ZMIZ1: variants seen among roughly 807,000 people sequenced by gnomAD.
ZMIZ1 encodes zinc finger MIZ-type containing 1.
Under a neutral mutation model 113.9 loss-of-function variants are expected in ZMIZ1, and 17 were observed. The observed-to-expected ratio is 0.15, with a 90% confidence interval of 0.10 to 0.22. The LOEUF is 0.22. ZMIZ1 is among the 10% of genes least tolerant of loss of function. ZMIZ1 has a pLI of 1.00. For synonymous variants in ZMIZ1, 607 were observed against 603.1 expected (o/e 1.01, Z -0.09); for missense variants, 1,059 against 1,477.8 (o/e 0.72, Z 4.65).
chr10:79,184,052 G>T (rs1319609703), intron 4 of ZMIZ1, among the ~76,000 whole-genome samples: 1 of 152,214 alleles, frequency 6.6e-6, no homozygotes, highest in Non-Finnish European at 1.5e-5. Context: ...GGCCAGCGTT[G>T]CCTCGGTGCC....
Position 79,139,689 on chromosome 10 carries a change from A to C in ZMIZ1, c.-219A>C. 1 of 398,854 alleles carries C rather than the reference A, an allele frequency of 2.5e-6. No individual in the cohort carries two copies. Among genetic ancestry groups the C allele is most frequent in the East Asian group, 3.5e-5 (1 of 28,186 alleles). The allele number at this position is 398,854 out of a possible 1,614,324, so 24.7% of individuals were successfully genotyped here. On this transcript the variant is annotated 5_prime_UTR_variant, in exon 3 of 25. Transcript: ENST00000334512. ...TCTCCCCTGTGTACCCAGGAGGAAG[A>C]GGAGGAGGCCCGTTGGCGTCGGACC...
At chr10:79,195,563 G>T (rs1172159756) in intron 4 of ZMIZ1, among the ~76,000 whole-genome samples, 1 of 152,268 alleles carries the variant, frequency 6.6e-6, no homozygotes, top group Admixed American at 6.5e-5. Flanking sequence ...GAGTCCAGGA[G>T]CCCGGAGGCG....
Position 79,296,268 on chromosome 10 carries a change from G to T in ZMIZ1, c.1231-203G>T. The T allele has an allele frequency of 1.6e-6, 1 of 611,492 alleles. No homozygotes were observed. The highest frequency in any genetic ancestry group is 2.9e-6 in the Non-Finnish European group (1 of 341,810). The allele number at this position is 611,492 out of a possible 1,614,324, so 37.9% of individuals were successfully genotyped here. ...CCAGGAAGAACGGCCTCAAGGGGAG[G>T]TGGCCTATGATCTGGACAGGCAGAA... On this transcript the variant is annotated intron_variant, in intron 12 of 24. Coordinates refer to ENST00000334512, the MANE Select transcript of ZMIZ1 (RefSeq NM_020338.4). This position sits in a 1 kb window ranked among gnomAD's most constrained non-coding sequence, Gnocchi z 4.1.
Position 79,292,320 on chromosome 10 carries a change from G to A in ZMIZ1, c.921G>A (p.Gln307=). 1.2e-6 allele frequency: 2 copies of A among 1,613,396 alleles called. No individual in the cohort carries two copies. Among genetic ancestry groups the A allele is most frequent in the Non-Finnish European group, 1.7e-6 (2 of 1,179,680 alleles). ...CCACGGCCACTGTGGCAGCCCTGCAGGAGACACAGAACAAGGATATAAACC... is the reference window on the plus strand; with the variant it reads ...CCACGGCCACTGTGGCAGCCCTGCAAGAGACACAGAACAAGGATATAAACC... ...ATATATVAAL[Q]ETQNKDINQY... Residue 307 remains glutamine (Q), a synonymous_variant, in exon 11 of 25, where the codon CAG becomes CAA. Coordinates refer to ENST00000334512, the MANE Select transcript of ZMIZ1 (RefSeq NM_020338.4).
At chr10:79,079,970 C>T (rs529641458) in intron 1 of ZMIZ1, among the ~76,000 whole-genome samples, 12 of 152,336 alleles carry the variant, frequency 7.9e-5, no homozygotes, top group African/African-American at 2.2e-4. Flanking sequence ...GAGGGGCACA[C>T]GGTGTCTTCA....
intron 1 of ZMIZ1, among the ~76,000 whole-genome samples, chr10:79,104,951 GT>G (rs879501134): frequency 0.062 from 1,403 of 22,702 alleles, 15 homozygotes; most frequent in African/African-American, 0.12. Flanking sequence ...TTGTTGTGGG[GT>G]GTGTGTGTGT....
At chr10:79,183,897 C>T (rs756897275) in intron 4 of ZMIZ1, among the ~76,000 whole-genome samples, 6 of 152,134 alleles carry the variant, frequency 3.9e-5, no homozygotes, top group Non-Finnish European at 7.3e-5. Flanking sequence ...CCAGCTGTGC[C>T]CCTTATTAGC....
chr10:79,103,811 G>A (rs1199066098), intron 1 of ZMIZ1, among the ~76,000 whole-genome samples: 1 of 152,184 alleles, frequency 6.6e-6, no homozygotes, highest in Non-Finnish European at 1.5e-5. Flanking sequence ...CATCATGGAT[G>A]AGGACCTTCC....
intron 18 of ZMIZ1, 116 bp downstream of exon 18, chr10:79,302,328 C>T (rs540911181): frequency 2.4e-5 from 26 of 1,067,280 alleles, no homozygotes; most frequent in African/African-American, 1.5e-4. Context: ...ATGTCACCAC[C>T]GGGCCTGGAG....
intron 5 of ZMIZ1, among the ~76,000 whole-genome samples, chr10:79,203,757 G>A (rs995753759): frequency 2.0e-5 from 3 of 152,284 alleles, no homozygotes; most frequent in South Asian, 4.1e-4. Flanking sequence ...TCACCATTCC[G>A]TCGCTTACAA....
chr10:79,165,942 G>T (rs1846308149), intron 4 of ZMIZ1, among the ~76,000 whole-genome samples: 1 of 130,956 alleles, frequency 7.6e-6, no homozygotes, highest in Non-Finnish European at 1.6e-5. Context: ...CCAAGCCCCA[G>T]CTCAGCTGTG....
intron 7 of ZMIZ1, among the ~76,000 whole-genome samples, chr10:79,255,888 A>C (rs542429025): frequency 2.0e-5 from 3 of 152,376 alleles, no homozygotes; most frequent in Non-Finnish European, 4.4e-5. Context: ...GTCTGGATGC[A>C]ATCACAGAGC....
chr10:79,257,397 A>G (rs563259657), intron 7 of ZMIZ1, among the ~76,000 whole-genome samples: 1 of 152,214 alleles, frequency 6.6e-6, no homozygotes, highest in Non-Finnish European at 1.5e-5. Flanking sequence ...GCTCTGCAAA[A>G]GCTTTAGGAC....
intron 1 of ZMIZ1, among the ~76,000 whole-genome samples, chr10:79,086,446 C>G (rs780174467): frequency 6.6e-6 from 1 of 152,196 alleles, no homozygotes; most frequent in Non-Finnish European, 1.5e-5. Flanking sequence ...GCCAGAAAGC[C>G]CATTTTTCTC....
Position 79,137,772 on chromosome 10 carries a change from A to G in ZMIZ1, c.-226-1910A>G, listed in dbSNP as rs180680644. 8.4e-3 allele frequency among the ~76,000 whole-genome samples: 1,261 copies of G among 150,026 alleles called. 14 individuals are homozygous for G. Among genetic ancestry groups the G allele is most frequent in the African/African-American group, 0.029 (1,186 of 40,652 alleles). On this transcript the variant is annotated intron_variant, in intron 2 of 24. Transcript: ENST00000334512. ...TCCGAGAGGAGGCAGGAGAGCCCAG[A>G]GGTCGTGAGGGCTGGACCCTGGGGG...
At chr10:79,168,024 A>C (rs1476242383) in intron 4 of ZMIZ1, among the ~76,000 whole-genome samples, 1 of 152,182 alleles carries the variant, frequency 6.6e-6, no homozygotes, top group Non-Finnish European at 1.5e-5. Flanking sequence ...AGTTCTCCCA[A>C]AGTGGGGTGT....
chr10:79,110,323 GC>G (rs1800916421), intron 1 of ZMIZ1, among the ~76,000 whole-genome samples: 1 of 152,204 alleles, frequency 6.6e-6, no homozygotes, highest in South Asian at 2.1e-4. Flanking sequence ...CTTGTTTTTG[GC>G]CTTATTGCGA....
At chr10:79,279,993 T>A (rs1215415163) in intron 8 of ZMIZ1, among the ~76,000 whole-genome samples, 3 of 52,866 alleles carry the variant, frequency 5.7e-5, no homozygotes, top group African/African-American at 2.0e-4. Context: ...TTATTATTAC[T>A]TTTTTTTTTT....
chr10:79,191,900 G>A (rs1187860073), intron 4 of ZMIZ1, among the ~76,000 whole-genome samples: 1 of 152,174 alleles, frequency 6.6e-6, no homozygotes, highest in Non-Finnish European at 1.5e-5. Flanking sequence ...GAGTTTTGAG[G>A]CTTAACTGAT....
Sources: allele counts gnomAD v4.1 joint callset (sites outside exome capture counted in the v4.1 genomes callset), GRCh38; gene constraint gnomAD v4.1.1; non-coding constraint Gnocchi (gnomAD v3.1); transcripts MANE v1.5; gene names NCBI Gene and HGNC (gene_info 2026-07-23, HGNC 2026-07-21).